The following XKR9 variants were observed in gnomAD, a reference collection of about 807,000 sequenced individuals.
XKR9 encodes the protein XK-related protein 9.
A neutral mutation model predicts 32.0 loss-of-function variants in XKR9; 32 were observed. The observed-to-expected ratio is 1.00, with a 90% confidence interval of 0.76 to 1.34. XKR9 has a LOEUF of 1.34. Among genes scored for constraint, XKR9 ranks in the 40% most tolerant of loss-of-function variants. The pLI is 0.00. For synonymous variants in XKR9, 168 were observed against 143.4 expected (o/e 1.17, Z -1.22); for missense variants, 546 against 429.7 (o/e 1.27, Z -2.39).
the XKR9 span, among the ~76,000 whole-genome samples, chr8:70,882,647 A>T: frequency 6.6e-6 from 1 of 152,082 alleles, no homozygotes; most frequent in Non-Finnish European, 1.5e-5. Context: ...CGTAGAAGGT[A>T]CAGAATTTCA....
At chr8:70,950,475 C>T in the XKR9 span, among the ~76,000 whole-genome samples, 4 of 151,978 alleles carry the variant, frequency 2.6e-5, no homozygotes, top group African/African-American at 7.2e-5. Context: ...CTGGGCAGAG[C>T]ATGGTGAGTC....
the XKR9 span, among the ~76,000 whole-genome samples, chr8:70,993,601 T>TCCTTCCTTCCTTCCTTC: frequency 2.1e-4 from 22 of 105,206 alleles, no homozygotes; most frequent in African/African-American, 5.5e-4. Context: ...TCATAGGACA[T>TCCTTCCTTCCTTCCTTC]CTTCCTTCCT....
the XKR9 span, among the ~76,000 whole-genome samples, chr8:70,818,643 A>T: frequency 6.6e-6 from 1 of 152,194 alleles, no homozygotes; most frequent in African/African-American, 2.4e-5. Context: ...TTAGTATAGT[A>T]TTATACATCA....
chr8:70,781,653 C>T (rs546836684), intron 2 of XKR9, among the ~76,000 whole-genome samples: 30 of 151,300 alleles, frequency 2.0e-4, no homozygotes, highest in African/African-American at 6.3e-4. Context: ...GATGAGATCT[C>T]ATTGTGGTTT....
At chr8:70,872,200 A>C in the XKR9 span, among the ~76,000 whole-genome samples, 1 of 152,248 alleles carries the variant, frequency 6.6e-6, no homozygotes, top group African/African-American at 2.4e-5. Context: ...AATAATAAGA[A>C]AGTGAAACAG....
chr8:71,026,558 G>T, the XKR9 span, among the ~76,000 whole-genome samples: 1 of 152,202 alleles, frequency 6.6e-6, no homozygotes, highest in African/African-American at 2.4e-5. Flanking sequence ...GAAAACAATT[G>T]CTATTGTCGC....
rs190990839 is a variant in XKR9, at chr8:70,691,966, T to C, written c.272+10636T>C. On this transcript the variant is annotated intron_variant, in intron 3 of 4. Transcript: ENST00000408926. ...TTTGTGAGGAATGTCATTGGTAGTT[T>C]AACAGGTATAGCGTTGAATATGTAA... Among the ~76,000 whole-genome samples the C allele has an allele frequency of 4.3e-4, 66 of 152,312 alleles. 1 individual carries two copies. Among genetic ancestry groups the C allele is most frequent in the African/African-American group, 1.4e-3 (59 of 41,588 alleles).
At chr8:70,913,454 A>G in the XKR9 span, among the ~76,000 whole-genome samples, 1 of 152,150 alleles carries the variant, frequency 6.6e-6, no homozygotes, top group East Asian at 1.9e-4. Context: ...TATAAAATTT[A>G]TATAATAATA....
At chr8:71,012,556 A>G in the XKR9 span, among the ~76,000 whole-genome samples, 3 of 152,324 alleles carry the variant, frequency 2.0e-5, no homozygotes, top group Admixed American at 6.5e-5. Context: ...GACCCTAAAA[A>G]CAGTGACCTA....
the XKR9 span, among the ~76,000 whole-genome samples, chr8:70,857,207 CA>C: frequency 6.6e-6 from 1 of 151,944 alleles, no homozygotes; most frequent in Non-Finnish European, 1.5e-5. Flanking sequence ...AAAAGATCAA[CA>C]AAATTGATAG....
At chr8:70,956,712 G>T in the XKR9 span, among the ~76,000 whole-genome samples, 1 of 152,282 alleles carries the variant, frequency 6.6e-6, no homozygotes, top group African/African-American at 2.4e-5. Flanking sequence ...TAGGATGGGG[G>T]CTAGTGTGTC....
At chr8:70,880,471 A>C in the XKR9 span, among the ~76,000 whole-genome samples, 3 of 152,200 alleles carry the variant, frequency 2.0e-5, no homozygotes, top group South Asian at 2.1e-4. Context: ...ATTCTTATAC[A>C]CCATTAACAG....
At chr8:70,783,087 A>G (rs1415489861) in intron 2 of XKR9, among the ~76,000 whole-genome samples, 1 of 152,194 alleles carries the variant, frequency 6.6e-6, no homozygotes, top group African/African-American at 2.4e-5. Flanking sequence ...CATTCTTGCC[A>G]ATACTTATCT....
chr8:70,848,719 T>A, the XKR9 span, among the ~76,000 whole-genome samples: 4 of 136,968 alleles, frequency 2.9e-5, no homozygotes, highest in Admixed American at 8.0e-5. Context: ...ACATGTAGGC[T>A]CAAAATAAAG....
intron 3 of XKR9, among the ~76,000 whole-genome samples, chr8:70,704,749 C>T (rs563822974): frequency 2.0e-5 from 3 of 152,268 alleles, no homozygotes; most frequent in South Asian, 4.1e-4. Context: ...TTATAAACAA[C>T]TTCAAGAACA....
At chr8:70,755,788 A>T (rs552882617) in intron 2 of XKR9, among the ~76,000 whole-genome samples, 1 of 151,310 alleles carries the variant, frequency 6.6e-6, no homozygotes, top group Non-Finnish European at 1.5e-5. Context: ...GAGGGTTAGC[A>T]TTAGGAGATA....
chr8:71,033,565 T>C, the XKR9 span, among the ~76,000 whole-genome samples: 9 of 151,990 alleles, frequency 5.9e-5, no homozygotes, highest in Admixed American at 5.9e-4. Context: ...AGTTGCGGGG[T>C]GTTTGGGTCA....
chr8:70,776,021 C>T (rs535919679), intron 2 of XKR9, among the ~76,000 whole-genome samples: 10 of 152,128 alleles, frequency 6.6e-5, no homozygotes, highest in Non-Finnish European at 1.2e-4. Context: ...GCTGGGATTA[C>T]AGGCATAAGC....
chr8:70,978,500 G>A, the XKR9 span, among the ~76,000 whole-genome samples: 2 of 152,144 alleles, frequency 1.3e-5, no homozygotes, highest in Admixed American at 1.3e-4. Flanking sequence ...TTGAAACTTA[G>A]TTTGGCAGGA....
Sources: gnomAD v4.1 joint callset for allele counts (sites outside exome capture counted in the v4.1 genomes callset) on GRCh38, gnomAD v4.1.1 for gene constraint, MANE v1.5 for transcripts, NCBI Gene and HGNC (gene_info 2026-07-23, HGNC 2026-07-21) for gene names.